LOXHD1: variants seen among roughly 807,000 people sequenced by gnomAD.
LOXHD1 encodes lipoxygenase homology PLAT domains 1.
LOXHD1 carries 205 observed loss-of-function variants against 248.2 expected under a neutral mutation model. That is an observed-to-expected ratio of 0.83 (90% confidence interval 0.74 to 0.93). The LOEUF is 0.93. Among genes scored for constraint, LOXHD1 ranks in the 40% least tolerant of loss-of-function variants. LOXHD1 has a pLI of 0.00. For missense variants in LOXHD1, 2,930 were observed against 2,971.6 expected (o/e 0.99, Z 0.33); for synonymous variants, 1,113 against 1,162.8 (o/e 0.96, Z 0.87).
At position 46,579,666 on chromosome 18, in the gene LOXHD1, G is replaced by A. The variant is rs754464654; in HGVS notation, c.1773C>T (p.Asn591=). 6.4e-7 allele frequency: 1 copy of A among 1,551,750 alleles called. No individual in the cohort carries two copies. The highest frequency in any genetic ancestry group is 8.7e-7 in the Non-Finnish European group (1 of 1,147,008). ...CAAACAGGTCTGTGTTATTCCTGCAGTTGTAGAGCAGCCGTTCCCCCGTGT... is the reference window on the plus strand; with the variant it reads ...CAAACAGGTCTGTGTTATTCCTGCAATTGTAGAGCAGCCGTTCCCCCGTGT... ...VGDTGERLLY[N]CRNNTDLFEK... Residue 591 remains asparagine (N), a synonymous_variant, in exon 13 of 41, where the codon AAC becomes AAT. Transcript: ENST00000642948.
Position 46,505,942 on chromosome 18 carries a change from G to A in LOXHD1, c.5774C>T (p.Ala1925Val), listed in dbSNP as rs2034538913. ...GTTCCGCTCAAACTTGTTCCAGTTT[G>A]CCGACTGCTTCAGGGCCAGTGTCCC... ...DSGTLALKQS[A>V]NWNKFERNNT... is the part of the protein sequence containing the mutation. Residue 1925 changes from alanine to valine, a missense_variant, in exon 37 of 41, where the codon GCA becomes GTA. Coordinates refer to ENST00000642948, the MANE Select transcript of LOXHD1 (RefSeq NM_001384474.1). 3 of 1,552,124 alleles carry A rather than the reference G, an allele frequency of 1.9e-6. No homozygotes were observed. Among genetic ancestry groups the A allele is most frequent in the East Asian group, 4.9e-5 (2 of 40,904 alleles).
At chr18:46,632,688 T>C (rs768876572) in intron 4 of LOXHD1, among the ~76,000 whole-genome samples, 10 of 152,016 alleles carry the variant, frequency 6.6e-5, no homozygotes, top group Non-Finnish European at 1.5e-4. Context: ...CTGGAGCAAT[T>C]TGATAGCCAA....
Position 46,594,392 on chromosome 18 carries a change from C to T in LOXHD1, c.1209G>A (p.Ala403=), listed in dbSNP as rs548430409. 26 of 1,551,654 alleles carry T rather than the reference C, an allele frequency of 1.7e-5. No homozygotes were observed. In the East Asian group the frequency reaches 2.9e-4, roughly 18 times the overall value. Residue 403 remains alanine, a synonymous_variant, in exon 9 of 41, where the codon GCG becomes GCA. Transcript: ENST00000642948. The stretch of plus-strand genomic sequence containing the variant: ...AGAGCTGCCTCTCAATCAACCCATC[C>T]GCTTTCTTCTCATCCAGCCAGTTGC... ...PCSNWLDEKK[A]DGLIERQLYE...
intron 40 of LOXHD1, among the ~76,000 whole-genome samples, chr18:46,483,323 G>A (rs1039857241): frequency 1.3e-5 from 2 of 152,126 alleles, no homozygotes; most frequent in African/African-American, 4.8e-5. Flanking sequence ...ATCCTTCCAA[G>A]GAAGCATCCC....
chr18:46,594,291 T>C, intron 9 of LOXHD1, 40 bp downstream of exon 9: 1 of 1,550,558 alleles, frequency 6.4e-7, no homozygotes, highest in Non-Finnish European at 8.7e-7. Flanking sequence ...CTGCTGACCC[T>C]GGCTGAGAGG....
At chr18:46,653,008 T>C (rs2039131405) in intron 1 of LOXHD1, among the ~76,000 whole-genome samples, 1 of 152,122 alleles carries the variant, frequency 6.6e-6, no homozygotes, top group Non-Finnish European at 1.5e-5. Flanking sequence ...TCCTAGCACT[T>C]TGGGAGGCCG....
chr18:46,608,815 GC>G (rs1426894085), intron 6 of LOXHD1, among the ~76,000 whole-genome samples: 44 of 152,194 alleles, frequency 2.9e-4, no homozygotes, highest in Non-Finnish European at 2.9e-5. Context: ...CCAGTCCCAT[GC>G]CAAGAGCTAG....
chr18:46,610,859 C>G lies in LOXHD1; in HGVS notation c.676G>C (p.Asp226His). 1 of 1,551,788 alleles carries G rather than the reference C, an allele frequency of 6.4e-7. No homozygotes were observed. The highest frequency in any genetic ancestry group is 8.7e-7 in the Non-Finnish European group (1 of 1,147,008). ...EKGAEDRFILDAPDLGQLMKI... is the reference protein window; with the variant it reads ...EKGAEDRFILHAPDLGQLMKI... ...ATCAGCTGCCCCAAATCCGGGGCAT[C>G]CAGGATGAACCTGTCTTCAGCTCCC... Residue 226 changes from aspartate (D) to histidine (H), a missense_variant, in exon 6 of 41, where the codon GAT becomes CAT. Asp to His is a moderately conservative substitution (Grantham distance 81). Transcript: ENST00000642948.
chr18:46,491,127 T>A (rs2033443513), intron 37 of LOXHD1, among the ~76,000 whole-genome samples: 1 of 152,340 alleles, frequency 6.6e-6, no homozygotes, highest in African/African-American at 2.4e-5. Context: ...TGGAAGAGAC[T>A]TTTTGTCCTC....
chr18:46,610,914 C>T lies in LOXHD1; in HGVS notation c.621G>A (p.Arg207=), dbSNP rs200328459. 2.6e-5 allele frequency: 41 copies of T among 1,551,834 alleles called. No homozygotes were observed. In the East Asian group the frequency reaches 8.6e-4, roughly 32 times the overall value. The part of the protein sequence containing the change: ...FGEYGDTGER[R]LENEKDNFEK... ...CAAAGTTGTCCTTTTCATTTTCTAG[C>T]CTACGCTCCCCTGTATGCACAGACA... Residue 207 remains arginine, a synonymous_variant, in exon 6 of 41, where the codon AGG becomes AGA. Transcript: ENST00000642948.
At chr18:46,571,059 C>A (rs576728424) in intron 15 of LOXHD1, among the ~76,000 whole-genome samples, 9 of 152,278 alleles carry the variant, frequency 5.9e-5, no homozygotes, top group Non-Finnish European at 1.3e-4. Flanking sequence ...CCTTTTGCCA[C>A]AGGCATCTTA....
chr18:46,549,182 G>A (rs2036978957), intron 21 of LOXHD1, among the ~76,000 whole-genome samples: 1 of 152,166 alleles, frequency 6.6e-6, no homozygotes, highest in South Asian at 2.1e-4. Context: ...GTGAATAAAG[G>A]AGATGAGAGG....
chr18:46,509,484 A>G, intron 35 of LOXHD1: 1 of 602,746 alleles, frequency 1.7e-6, no homozygotes, highest in East Asian at 2.9e-5. Context: ...TAATTACCTG[A>G]CAGTTGCTTC....
chr18:46,577,617 T>C, intron 14 of LOXHD1, 90 bp downstream of exon 14: 1 of 1,430,982 alleles, frequency 7.0e-7, no homozygotes. Flanking sequence ...CTGTTTTGCT[T>C]GCTGGTCATG....
chr18:46,576,965 T>C (rs1568196551), intron 14 of LOXHD1, among the ~76,000 whole-genome samples: 1 of 152,186 alleles, frequency 6.6e-6, no homozygotes, highest in South Asian at 2.1e-4. Flanking sequence ...TCAGTGTAGC[T>C]ACCCTTGAGG....
In LOXHD1 at chr18:46,507,598, C is replaced by G; in HGVS notation, c.5632G>C (p.Glu1878Gln). 1 of 1,551,750 alleles carries G rather than the reference C, an allele frequency of 6.4e-7. No individual in the cohort carries two copies. The highest frequency in any genetic ancestry group is 8.7e-7 in the Non-Finnish European group (1 of 1,147,002). Residue 1878 changes from glutamate (E) to glutamine (Q), a missense_variant, in exon 36 of 41, where the codon GAG (glutamate) becomes CAG (glutamine). Transcript: ENST00000642948. ...LVCEMCAVID[E>Q]EEMMEWTSYT... ...GAGGTCCACTCCATCATTTCTTCCTCATCGATAACGGCACACATTTCACAC... is the reference window on the plus strand; with the variant it reads ...GAGGTCCACTCCATCATTTCTTCCTGATCGATAACGGCACACATTTCACAC...
intron 4 of LOXHD1, among the ~76,000 whole-genome samples, chr18:46,630,770 T>TGGG (rs34276377): frequency 1.3e-5 from 2 of 150,092 alleles, no homozygotes; most frequent in African/African-American, 4.9e-5. Flanking sequence ...AAAGTGGGTA[T>TGGG]GGGGGGGGGT....
chr18:46,581,459 G>A (rs371838440), intron 12 of LOXHD1, among the ~76,000 whole-genome samples: 30 of 152,108 alleles, frequency 2.0e-4, no homozygotes, highest in African/African-American at 6.8e-4. Flanking sequence ...GTTCATTTGA[G>A]CTGTCTATTA....
chr18:46,548,160 T>C (rs546750361), intron 21 of LOXHD1, among the ~76,000 whole-genome samples: 1 of 146,330 alleles, frequency 6.8e-6, no homozygotes, highest in Non-Finnish European at 1.5e-5. Context: ...TCTGGGAATA[T>C]CCTCTCTGGG....
Sources: allele counts gnomAD v4.1 joint callset (sites outside exome capture counted in the v4.1 genomes callset), GRCh38; gene constraint gnomAD v4.1.1; transcripts MANE v1.5; gene names NCBI Gene and HGNC (gene_info 2026-07-23, HGNC 2026-07-21).